Variants in CPEB4 observed in about 807,000 individuals in gnomAD.
CPEB4 encodes the protein cytoplasmic polyadenylation element-binding protein 4.
Under a neutral mutation model 72.5 loss-of-function variants are expected in CPEB4, and 12 were observed. The observed-to-expected ratio is 0.17, with a 90% CI of 0.11 to 0.27. The LOEUF is 0.27. Ranked by LOEUF, CPEB4 falls within the 10% of genes least tolerant of loss-of-function variation. CPEB4 has a pLI of 1.00. For synonymous variants in CPEB4, 302 were observed against 326.3 expected, an observed-to-expected ratio of 0.93 and a Z score of 0.80; for missense variants, 614 against 908.5, an observed-to-expected ratio of 0.68 and a Z score of 4.17.
At chr5:173,895,821 GT>G (rs902337480) in intron 1 of CPEB4, among the ~76,000 whole-genome samples, 1 of 152,144 alleles carries the variant, frequency 6.6e-6, no homozygotes, top group Non-Finnish European at 1.5e-5. Context: ...CCAGGGTAGA[GT>G]TTTTTTCTTT....
intron 2 of CPEB4, among the ~76,000 whole-genome samples, chr5:173,911,681 GTTT>G (rs67673139): frequency 2.2e-4 from 25 of 113,764 alleles, no homozygotes; most frequent in Admixed American, 1.7e-3. Context: ...TAGAAAGCAG[GTTT>G]TTTTTTTTTT....
rs1755777403 is a variant in CPEB4 at position 173,890,635 on chromosome 5, C to A, written c.902C>A (p.Pro301Gln). ...PSPTPSSSWS[P>Q]GGGGYGGWGG... Reference sequence around the variant, plus strand: ...CCAACACCCTCCTCTTCCTGGAGCCCGGGCGGTGGTGGATATGGTGGCTGG... The same window carrying A: ...CCAACACCCTCCTCTTCCTGGAGCCAGGGCGGTGGTGGATATGGTGGCTGG... Residue 301 changes from proline (P) to glutamine (Q), a missense_variant, in exon 1 of 10, where the codon CCG (proline) becomes CAG (glutamine). Physicochemically the swap from Pro to Gln is moderately conservative, Grantham distance 76. Transcript: ENST00000265085. 6.2e-7 allele frequency: 1 copy of A among 1,613,866 alleles called. No homozygotes were observed. Among genetic ancestry groups the A allele is most frequent in the Non-Finnish European group, 8.5e-7 (1 of 1,179,938 alleles).
chr5:173,906,719 T>C (rs543668771), intron 1 of CPEB4, among the ~76,000 whole-genome samples: 1 of 152,354 alleles, frequency 6.6e-6, no homozygotes, highest in East Asian at 1.9e-4. Flanking sequence ...TATTAAACTG[T>C]AACAAATTAT....
Position 173,889,717 on chromosome 5 carries a change from G to T in CPEB4, c.-17G>T, listed in dbSNP as rs1369705819. The T allele has an allele frequency of 6.5e-7, 1 of 1,540,894 alleles. No individual in the cohort carries two copies. Among genetic ancestry groups the T allele is most frequent in the African/African-American group, 1.4e-5 (1 of 72,060 alleles). On this transcript the variant is annotated 5_prime_UTR_variant, in exon 1 of 10. Transcript: ENST00000265085. Reference sequence around the variant, plus strand: ...TTGTCATTTTTTATTGTGAGATTCTGCTCCTAAAGATAATAAATGGGGGAT... The same window carrying T: ...TTGTCATTTTTTATTGTGAGATTCTTCTCCTAAAGATAATAAATGGGGGAT...
intron 1 of CPEB4, among the ~76,000 whole-genome samples, chr5:173,907,080 A>G (rs1264356712): frequency 6.6e-6 from 1 of 152,228 alleles, no homozygotes; most frequent in Non-Finnish European, 1.5e-5. Context: ...CATCCTGGCC[A>G]ACATAGTGAA....
At chr5:173,894,062 A>G (rs1755912144) in intron 1 of CPEB4, among the ~76,000 whole-genome samples, 1 of 152,140 alleles carries the variant, frequency 6.6e-6, no homozygotes, top group South Asian at 2.1e-4. Flanking sequence ...GCATAATCAC[A>G]GCTCACTGCA....
At chr5:173,952,079 T>G in intron 8 of CPEB4, 141 bp downstream of exon 8, 5 of 637,160 alleles carry the variant, frequency 7.8e-6, no homozygotes. Context: ...TGAATTCATG[T>G]GTTCTAATAG....
At chr5:173,912,779 A>T (rs542394057) in intron 2 of CPEB4, among the ~76,000 whole-genome samples, 283 of 142,910 alleles carry the variant, frequency 2.0e-3, no homozygotes, top group African/African-American at 6.5e-3. Flanking sequence ...ACAAACATTT[A>T]AAAAAAAAAA....
intron 7 of CPEB4, among the ~76,000 whole-genome samples, chr5:173,951,203 C>T (rs1311347286): frequency 6.6e-6 from 1 of 152,070 alleles, no homozygotes; most frequent in African/African-American, 2.4e-5. Flanking sequence ...TGCTGTCAAC[C>T]CATAGCCTTT....
intron 1 of CPEB4, among the ~76,000 whole-genome samples, chr5:173,898,739 C>G (rs757426232): frequency 6.6e-6 from 1 of 152,144 alleles, no homozygotes; most frequent in African/African-American, 2.4e-5. Context: ...TGCAGTAGCG[C>G]GATCTTGGTT....
chr5:173,922,870 G>GTAC (rs1435566545), intron 2 of CPEB4, among the ~76,000 whole-genome samples: 1 of 152,190 alleles, frequency 6.6e-6, no homozygotes, highest in Non-Finnish European at 1.5e-5. Context: ...TGTGCACCAG[G>GTAC]TACTATGGTT....
chr5:173,929,394 C>CA, intron 2 of CPEB4, among the ~76,000 whole-genome samples: 1 of 152,280 alleles, frequency 6.6e-6, no homozygotes, highest in South Asian at 2.1e-4. Flanking sequence ...TTTGGATTCT[C>CA]ATTGTTCATT....
At chr5:173,938,915 A>G (rs1330809355) in intron 3 of CPEB4, among the ~76,000 whole-genome samples, 1 of 152,260 alleles carries the variant, frequency 6.6e-6, no homozygotes, top group East Asian at 1.9e-4. Flanking sequence ...ACAAAAAGGG[A>G]TAAAACAAGA....
rs1758487316 is a variant in CPEB4 at position 173,959,637 on chromosome 5, T to C, written c.*3500T>C. The C allele has an allele frequency of 6.5e-6, 1 of 152,772 alleles. No individual in the cohort carries two copies. Among genetic ancestry groups the C allele is most frequent in the Non-Finnish European group, 1.5e-5 (1 of 68,024 alleles). The allele number at this position is 152,772 out of a possible 1,614,324, so 9.5% of individuals were successfully genotyped here. ...TTTTCTACTGTTAAGAGTAATCCTC[T>C]TTCTTGCTGGTGTTTCTAAAGAAAA... On this transcript the variant is annotated 3_prime_UTR_variant, in exon 10 of 10. Transcript: ENST00000265085.
chr5:173,890,749 C>T lies in CPEB4; in HGVS notation c.1016C>T (p.Ala339Val), dbSNP rs760825094. 6.8e-6 allele frequency: 11 copies of T among 1,614,186 alleles called. No homozygotes were observed. The South Asian group carries it at 1.2e-4, about 18-fold the overall frequency. The change falls in exon 1 of 10, where the codon GCA becomes GTA. Residue 339 changes from alanine to valine, a missense_variant. This residue lies in a region of CPEB4 where 458 missense variants were observed against 548.6 expected (regional missense o/e 0.83). Transcript: ENST00000265085. ...NSISPLKKNF[A>V]SNHIQLQKYA... is the part of the protein sequence containing the mutation. ...ATCTCGCCTTTGAAGAAAAATTTTG[C>T]AAGCAATCATATTCAGCTCCAGAAG...
At chr5:173,890,905 A>G (rs1204065496) in intron 1 of CPEB4, 47 bp downstream of exon 1, 1 of 1,530,474 alleles carries the variant, frequency 6.5e-7, no homozygotes, top group Non-Finnish European at 8.8e-7. Flanking sequence ...AGGAAATAGC[A>G]TGGTGTAATA....
intron 5 of CPEB4, among the ~76,000 whole-genome samples, chr5:173,946,900 G>T (rs1001290016): frequency 4.6e-5 from 7 of 151,964 alleles, no homozygotes; most frequent in African/African-American, 1.2e-4. Context: ...TTCCAAACTG[G>T]AATATCACCA....
chr5:173,892,496 C>T (rs1755847691), intron 1 of CPEB4, among the ~76,000 whole-genome samples: 3 of 152,010 alleles, frequency 2.0e-5, no homozygotes. Flanking sequence ...ATGAATTATT[C>T]TTATATTGCT....
At chr5:173,939,720 G>T (rs934559652) in intron 3 of CPEB4, among the ~76,000 whole-genome samples, 1 of 149,288 alleles carries the variant, frequency 6.7e-6, no homozygotes, top group Non-Finnish European at 1.5e-5. Context: ...GTATCCAGAA[G>T]TTATAAAAAT....
Sources: allele counts gnomAD v4.1 joint callset (sites outside exome capture counted in the v4.1 genomes callset), GRCh38; gene constraint gnomAD v4.1.1; regional missense constraint gnomAD v4.1.1; transcripts MANE v1.5; gene names NCBI Gene and HGNC (gene_info 2026-07-23, HGNC 2026-07-21).